The following AKAP19 variants were observed in gnomAD, a reference collection of about 807,000 sequenced individuals.
AKAP19 encodes the protein A-kinase anchoring protein 19.
chr2:189,968,350 G>T, the AKAP19 span, among the ~76,000 whole-genome samples: 2 of 152,070 alleles, frequency 1.3e-5, no homozygotes, highest in Non-Finnish European at 2.9e-5. Context: ...CAATCCTCTT[G>T]CCTCAGTCTC....
chr2:190,147,450 C>T, the AKAP19 span, among the ~76,000 whole-genome samples: 1 of 152,214 alleles, frequency 6.6e-6, no homozygotes, highest in Non-Finnish European at 1.5e-5. Flanking sequence ...CTCATTTGTT[C>T]TTTTTGCTTA....
At chr2:190,132,257 T>C in the AKAP19 span, among the ~76,000 whole-genome samples, 5 of 152,166 alleles carry the variant, frequency 3.3e-5, no homozygotes, top group Non-Finnish European at 5.9e-5. Flanking sequence ...CCTATCAAAA[T>C]TCCAATGACA....
At chr2:190,006,029 A>G in the AKAP19 span, among the ~76,000 whole-genome samples, 1 of 152,190 alleles carries the variant, frequency 6.6e-6, no homozygotes, top group East Asian at 1.9e-4. Flanking sequence ...TATCCAGTGG[A>G]GGTGCAAGTG....
the AKAP19 span, among the ~76,000 whole-genome samples, chr2:190,097,394 A>T: frequency 5.9e-5 from 9 of 152,174 alleles, no homozygotes; most frequent in Admixed American, 1.3e-4. Flanking sequence ...CAGCTGACTG[A>T]TCAGGGTGGT....
the AKAP19 span, among the ~76,000 whole-genome samples, chr2:189,992,923 C>CTTTAGGG: frequency 6.6e-6 from 1 of 152,110 alleles, no homozygotes; most frequent in African/African-American, 2.4e-5. Flanking sequence ...TTGGATGAAT[C>CTTTAGGG]TTTAGGGTTT....
the AKAP19 span, among the ~76,000 whole-genome samples, chr2:190,027,651 G>A: frequency 6.6e-6 from 1 of 152,062 alleles, no homozygotes; most frequent in South Asian, 2.1e-4. Context: ...AGTATTAATA[G>A]GAGTACATAC....
chr2:190,101,915 TG>T, the AKAP19 span, among the ~76,000 whole-genome samples: 2 of 152,106 alleles, frequency 1.3e-5, no homozygotes, highest in Non-Finnish European at 2.9e-5. Context: ...CATCTATACA[TG>T]AAACATTCTC....
At chr2:190,090,851 G>C in the AKAP19 span, 2 of 152,170 alleles carry the variant, frequency 1.3e-5, no homozygotes, top group Non-Finnish European at 2.9e-5. Context: ...TTAGCGCACT[G>C]TAGTCTAATT....
chr2:190,154,050 CT>C, the AKAP19 span, among the ~76,000 whole-genome samples: 1 of 152,168 alleles, frequency 6.6e-6, no homozygotes, highest in Non-Finnish European at 1.5e-5. Context: ...GCAACCTCTT[CT>C]TTAGGATTTC....
chr2:190,116,260 A>G, the AKAP19 span, among the ~76,000 whole-genome samples: 1 of 152,160 alleles, frequency 6.6e-6, no homozygotes, highest in Non-Finnish European at 1.5e-5. Flanking sequence ...ATGGTTCTGG[A>G]GGTGGGGAAG....
At chr2:189,955,672 T>C in the AKAP19 span, among the ~76,000 whole-genome samples, 12 of 152,232 alleles carry the variant, frequency 7.9e-5, no homozygotes, top group South Asian at 2.1e-4. Flanking sequence ...TGGTGTAAGA[T>C]GATATTTTAT....
the AKAP19 span, among the ~76,000 whole-genome samples, chr2:190,163,061 T>C: frequency 7.2e-5 from 11 of 152,218 alleles, no homozygotes; most frequent in African/African-American, 2.4e-4. Flanking sequence ...GTAAACATTA[T>C]GCAACCGATG....
At chr2:190,192,490 G>A in the AKAP19 span, among the ~76,000 whole-genome samples, 232 of 144,404 alleles carry the variant, frequency 1.6e-3, no homozygotes, top group African/African-American at 5.6e-3. Context: ...GTGTGTGTGT[G>A]TATCTATATA....
the AKAP19 span, among the ~76,000 whole-genome samples, chr2:189,898,609 G>A: frequency 6.6e-6 from 1 of 152,014 alleles, no homozygotes; most frequent in African/African-American, 2.4e-5. Context: ...CACCATTATA[G>A]AGTCCACCCA....
chr2:190,180,822 G>A, the AKAP19 span: 29 of 985,166 alleles, frequency 2.9e-5, no homozygotes, highest in South Asian at 4.7e-5. The surrounding 1 kb of genome is among the most constrained non-coding windows in gnomAD (Gnocchi z 6.8). Context: ...CAGGAGGAGG[G>A]GCCGGGAGCC....
the AKAP19 span, among the ~76,000 whole-genome samples, chr2:190,032,312 T>C: frequency 1.3e-5 from 2 of 152,186 alleles, no homozygotes; most frequent in Non-Finnish European, 2.9e-5. Context: ...TTGGGAGTAC[T>C]GGATGCCTCA....
chr2:189,917,335 G>A, the AKAP19 span: 3 of 1,350,560 alleles, frequency 2.2e-6, no homozygotes, highest in South Asian at 3.6e-5. Context: ...TCCGGTTGTT[G>A]AATTTATAAT....
At chr2:189,931,555 A>AG in the AKAP19 span, among the ~76,000 whole-genome samples, 1 of 152,050 alleles carries the variant, frequency 6.6e-6, no homozygotes, top group Non-Finnish European at 1.5e-5. Context: ...GTGTGGTGAC[A>AG]GGGTCTCGCT....
At chr2:190,089,817 G>A in the AKAP19 span, among the ~76,000 whole-genome samples, 1 of 152,114 alleles carries the variant, frequency 6.6e-6, no homozygotes, top group Non-Finnish European at 1.5e-5. Flanking sequence ...CTAAGTCTTA[G>A]GACTCTTGAG....
Sources: allele counts gnomAD v4.1 joint callset (sites outside exome capture counted in the v4.1 genomes callset), GRCh38; gene constraint gnomAD v4.1.1; non-coding constraint Gnocchi (gnomAD v3.1); transcripts MANE v1.5; gene names NCBI Gene and HGNC (gene_info 2026-07-23, HGNC 2026-07-21).